Variants in SLC3A1 observed in about 807,000 individuals in gnomAD.
SLC3A1 encodes the protein solute carrier family 3 member 1.
SLC3A1 carries 78 observed loss-of-function variants against 60.3 expected under a neutral mutation model. That is an observed-to-expected ratio of 1.29 (90% CI 1.08 to 1.56). The LOEUF (loss-of-function observed/expected upper bound fraction) is 1.56. Among genes scored for constraint, SLC3A1 ranks in the 40% most tolerant of loss-of-function variants. The pLI is 0.00. For synonymous variants in SLC3A1, 392 were observed against 307.9 expected (o/e 1.27, Z -2.86); for missense variants, 1,172 against 858.9 (o/e 1.36, Z -4.56).
intron 7 of SLC3A1, among the ~76,000 whole-genome samples, chr2:44,312,324 A>G (rs1051981664): frequency 2.0e-5 from 3 of 152,186 alleles, no homozygotes; most frequent in Non-Finnish European, 4.4e-5. Context: ...ATGAGAAAAT[A>G]TGACTATGTA....
chr2:44,312,839 A>C (rs574100194), intron 8 of SLC3A1, 86 bp downstream of exon 8: 9 of 1,064,032 alleles, frequency 8.5e-6, no homozygotes, highest in Middle Eastern at 2.5e-4. Flanking sequence ...AGAACTTACT[A>C]TCTCTCTATT....
At chr2:44,311,401 C>G (rs1224202968) in intron 7 of SLC3A1, among the ~76,000 whole-genome samples, 1 of 152,014 alleles carries the variant, frequency 6.6e-6, no homozygotes, top group African/African-American at 2.4e-5. Context: ...GCTATTGACT[C>G]CCCCCACCAT....
At chr2:44,276,989 G>C (rs940681172) in intron 1 of SLC3A1, among the ~76,000 whole-genome samples, 3 of 152,014 alleles carry the variant, frequency 2.0e-5, no homozygotes, top group African/African-American at 7.2e-5. Flanking sequence ...GTGGAAAGTA[G>C]GAATGGGCTT....
At chr2:44,321,689 C>T (rs895659292), downstream of SLC3A1, 12 of 1,565,868 alleles carry the variant, frequency 7.7e-6, no homozygotes, top group Non-Finnish European at 1.0e-5. Flanking sequence ...GTGTCCCTCC[C>T]TCCCCTCCTG....
Position 44,321,060 on chromosome 2 carries a change from TGGAA to T in SLC3A1, c.*424_*427del. 2.4e-6 allele frequency: 1 copy of T among 415,044 alleles called. No individual in the cohort carries two copies. Among genetic ancestry groups the T allele is most frequent in the Middle Eastern group, 6.8e-4 (1 of 1,472 alleles). The allele number at this position is 415,044 out of a possible 1,614,324, so 25.7% of individuals were successfully genotyped here. ...TTGTAAACTGCTCAACTGTTCTGACTGGAAGGGAGGCCTGGAGCTCTGCTATCAC... is the reference window on the plus strand; with the variant it reads ...TTGTAAACTGCTCAACTGTTCTGACTGGGAGGCCTGGAGCTCTGCTATCAC... On this transcript the variant is annotated 3_prime_UTR_variant, in exon 10 of 10. Coordinates refer to ENST00000260649, the MANE Select transcript of SLC3A1 (RefSeq NM_000341.4).
intron 4 of SLC3A1, among the ~76,000 whole-genome samples, chr2:44,287,666 A>C (rs1310717674): frequency 6.6e-6 from 1 of 151,992 alleles, no homozygotes; most frequent in East Asian, 1.9e-4. Context: ...ATCATTTCTC[A>C]CAATACAATT....
chr2:44,286,790 C>T (rs34192967), intron 4 of SLC3A1, among the ~76,000 whole-genome samples: 7 of 140,936 alleles, frequency 5.0e-5, no homozygotes, highest in African/African-American at 1.1e-4. Flanking sequence ...GTGCCTGTGA[C>T]GGTGAGCTGT....
chr2:44,292,445 G>C (rs1366068555), intron 4 of SLC3A1, among the ~76,000 whole-genome samples: 3 of 152,112 alleles, frequency 2.0e-5, no homozygotes, highest in African/African-American at 7.2e-5. Context: ...GATAGGTATT[G>C]TGTGTCTTGA....
chr2:44,297,142 C>T (rs140254462), intron 4 of SLC3A1, among the ~76,000 whole-genome samples: 6 of 152,268 alleles, frequency 3.9e-5, no homozygotes, highest in East Asian at 1.9e-4. Context: ...TGAAAATTGG[C>T]TGTTTAGTAC....
intron 9 of SLC3A1, chr2:44,314,213 T>G: frequency 1.2e-6 from 1 of 843,236 alleles, no homozygotes; most frequent in Non-Finnish European, 1.8e-6. Context: ...CTAAGGCCTT[T>G]GAGCTATGAA....
At chr2:44,284,401 C>G (rs1671566980) in intron 3 of SLC3A1, among the ~76,000 whole-genome samples, 1 of 152,104 alleles carries the variant, frequency 6.6e-6, no homozygotes, top group Non-Finnish European at 1.5e-5. Flanking sequence ...AGGTAAATAA[C>G]TAGGAGTAAA....
intron 3 of SLC3A1, among the ~76,000 whole-genome samples, chr2:44,284,265 A>G (rs1279308385): frequency 6.6e-6 from 1 of 152,102 alleles, no homozygotes; most frequent in Non-Finnish European, 1.5e-5. Flanking sequence ...TCTTTAGTAG[A>G]GACAGGGTTT....
In SLC3A1 at chr2:44,312,933, A is replaced by G. The variant is rs369126936; in HGVS notation, c.1500+180A>G. On this transcript the variant is annotated intron_variant, in intron 8 of 9. Transcript: ENST00000260649. ...AGCTTTCTTGGTGGTCTGAGAGCTT[A>G]TTTTAAAAATGCTTTGGAGCCATAC... 3.0e-4 allele frequency: 180 copies of G among 592,988 alleles called. 2 individuals carry two copies. In the Middle Eastern group the frequency reaches 3.3e-3, roughly 11 times the overall value. 36.7% of individuals were successfully genotyped at this position (592,988 alleles called of 1,614,324 possible).
chr2:44,285,497 C>T (rs991642123), intron 3 of SLC3A1: 7 of 361,376 alleles, frequency 1.9e-5, no homozygotes, highest in South Asian at 2.2e-5. Flanking sequence ...AGGAGACCAG[C>T]GACATCGTCA....
At chr2:44,317,363 G>A (rs574502668) in intron 9 of SLC3A1, among the ~76,000 whole-genome samples, 62 of 152,036 alleles carry the variant, frequency 4.1e-4, no homozygotes, top group African/African-American at 1.4e-3. Flanking sequence ...TCAGGAGGCT[G>A]AGGTGGGAGG....
intron 7 of SLC3A1, among the ~76,000 whole-genome samples, chr2:44,307,646 T>C (rs1672191059): frequency 6.6e-6 from 1 of 152,088 alleles, no homozygotes; most frequent in South Asian, 2.1e-4. Context: ...TCTGCATGTC[T>C]TATTTGGAGT....
intron 5 of SLC3A1, among the ~76,000 whole-genome samples, 162 bp from the exon 6 acceptor site, chr2:44,300,841 T>G (rs968297563): frequency 6.6e-6 from 1 of 152,228 alleles, no homozygotes; most frequent in Non-Finnish European, 1.5e-5. Flanking sequence ...GTTAACAACT[T>G]GAGCATCAAA....
intron 1 of SLC3A1, 45 bp downstream of exon 1, chr2:44,276,010 G>A: frequency 6.4e-7 from 1 of 1,572,764 alleles, no homozygotes; most frequent in Non-Finnish European, 8.8e-7. Flanking sequence ...GGATGAGATT[G>A]GTTTATGGTT....
At chr2:44,298,326 CCTA>C (rs1455370982) in intron 4 of SLC3A1, among the ~76,000 whole-genome samples, 1 of 152,172 alleles carries the variant, frequency 6.6e-6, no homozygotes, top group Admixed American at 6.5e-5. Context: ...TTTACCTCCT[CCTA>C]CTCTTACTTA....
Sources: allele counts gnomAD v4.1 joint callset (sites outside exome capture counted in the v4.1 genomes callset), GRCh38; gene constraint gnomAD v4.1.1; transcripts MANE v1.5; gene names NCBI Gene and HGNC (gene_info 2026-07-23, HGNC 2026-07-21).